The following PPARG variants were observed in gnomAD, a reference collection of about 807,000 sequenced individuals.
The protein encoded by PPARG is peroxisome proliferator-activated receptor gamma.
In PPARG, 17 loss-of-function variants were observed where a neutral mutation model predicts 39.2. That is an observed-to-expected ratio of 0.43 (90% CI 0.30 to 0.65). PPARG has a LOEUF of 0.65. Among genes scored for constraint, PPARG ranks in the 30% least tolerant of loss-of-function variants. The probability of loss-of-function intolerance (pLI) is 0.13; values close to 1 mark genes in which losing one functional copy is unlikely to be tolerated. For missense variants in PPARG, 406 were observed against 585.9 expected (o/e 0.69, Z 3.17); for synonymous variants, 223 against 215.7 (o/e 1.03, Z -0.30).
At chr3:12,305,359 C>G (rs1170123910) in intron 1 of PPARG, among the ~76,000 whole-genome samples, 1 of 152,126 alleles carries the variant, frequency 6.6e-6, no homozygotes. Context: ...AGTTGGATGT[C>G]ACTTATAAAT....
At chr3:12,331,205 T>A (rs1335918401) in intron 2 of PPARG, among the ~76,000 whole-genome samples, 1 of 152,162 alleles carries the variant, frequency 6.6e-6, no homozygotes, top group East Asian at 1.9e-4. Flanking sequence ...ACTAAAATGA[T>A]GAGTGCTGTA....
At chr3:12,347,603 C>T (rs955738643) in intron 2 of PPARG, among the ~76,000 whole-genome samples, 2 of 152,128 alleles carry the variant, frequency 1.3e-5, no homozygotes, top group Non-Finnish European at 2.9e-5. Flanking sequence ...GAAAAGGCAG[C>T]CATTCTTTTG....
intron 5 of PPARG, among the ~76,000 whole-genome samples, chr3:12,397,471 C>T (rs930974722): frequency 6.7e-5 from 10 of 149,968 alleles, no homozygotes; most frequent in Admixed American, 1.3e-4. Context: ...AGTGCAGTGG[C>T]GCGATCTAGG....
At chr3:12,402,837 G>C (rs2125244706) in intron 5 of PPARG, among the ~76,000 whole-genome samples, 1 of 152,186 alleles carries the variant, frequency 6.6e-6, no homozygotes. Context: ...CTTATTCCCT[G>C]GGATTGGCTC....
intron 2 of PPARG, among the ~76,000 whole-genome samples, chr3:12,324,420 A>G (rs1415183679): frequency 6.6e-6 from 1 of 152,172 alleles, no homozygotes; most frequent in Non-Finnish European, 1.5e-5. Context: ...TCAGGCAAGA[A>G]TAGATGTATA....
Position 12,348,222 on chromosome 3 carries a change from TTATA to T in PPARG, c.-8-31479_-8-31476del, listed in dbSNP as rs558201721. Among the ~76,000 whole-genome samples, 298 of 152,310 alleles carry T rather than the reference TTATA, an allele frequency of 2.0e-3. 1 individual carries two copies. Among genetic ancestry groups the T allele is most frequent in the African/African-American group, 6.7e-3 (279 of 41,574 alleles). On this transcript the variant is annotated intron_variant, in intron 2 of 7. Transcript: ENST00000651735. ...ACACCAAGTAATGCTAAAAATAACTTTATATAGGTTCAATACCATGATTTTATTA... is the reference window on the plus strand; with the variant it reads ...ACACCAAGTAATGCTAAAAATAACTTTAGGTTCAATACCATGATTTTATTA...
intron 6 of PPARG, among the ~76,000 whole-genome samples, chr3:12,415,971 T>C (rs1196062765): frequency 6.6e-6 from 1 of 152,276 alleles, no homozygotes; most frequent in Non-Finnish European, 1.5e-5. Flanking sequence ...AGTTACTTTA[T>C]GTTCAAGTGG....
chr3:12,349,354 G>T (rs1171822852), intron 2 of PPARG, among the ~76,000 whole-genome samples: 1 of 152,178 alleles, frequency 6.6e-6, no homozygotes, highest in Non-Finnish European at 1.5e-5. Flanking sequence ...GAATGTCCAT[G>T]TAAGCAAGTT....
In PPARG at chr3:12,406,021, C is replaced by A; in HGVS notation, c.669C>A (p.Ser223=). ...ATTTGTATGACTCATACATAAAGTC[C>A]TTCCCGCTGACCAAAGCAAAGGCGA... ...AKHLYDSYIK[S]FPLTKAKARA... Residue 223 remains serine, a synonymous_variant, in exon 6 of 8, where the codon TCC becomes TCA. Transcript: ENST00000651735. 6.2e-7 allele frequency: 1 copy of A among 1,614,162 alleles called. No homozygotes were observed. Among genetic ancestry groups the A allele is most frequent in the East Asian group, 2.2e-5 (1 of 44,856 alleles).
At chr3:12,377,185 G>T (rs2049445344) in intron 2 of PPARG, among the ~76,000 whole-genome samples, 1 of 152,114 alleles carries the variant, frequency 6.6e-6, no homozygotes, top group African/African-American at 2.4e-5. Flanking sequence ...AATGCATGTG[G>T]CATACATGAT....
At chr3:12,405,820 C>A in intron 5 of PPARG, 62 bp from the exon 6 acceptor site, 1 of 1,533,316 alleles carries the variant, frequency 6.5e-7, no homozygotes. Flanking sequence ...TGGGAGAGCA[C>A]AGTGTGTGTT....
chr3:12,306,052 A>G (rs984748596), intron 1 of PPARG: 10 of 152,182 alleles, frequency 6.6e-5, no homozygotes, highest in African/African-American at 1.9e-4. Context: ...TTCAGCAGCT[A>G]TGTACACCAG....
intron 2 of PPARG, among the ~76,000 whole-genome samples, chr3:12,356,328 T>A (rs1204283616): frequency 6.6e-6 from 1 of 152,226 alleles, no homozygotes; most frequent in Non-Finnish European, 1.5e-5. Flanking sequence ...GCAACTGCCA[T>A]CCAACTCTTA....
intron 4 of PPARG, among the ~76,000 whole-genome samples, chr3:12,386,238 C>T (rs1386551948): frequency 2.0e-5 from 3 of 152,094 alleles, no homozygotes; most frequent in African/African-American, 4.8e-5. Flanking sequence ...GAAAAGCACT[C>T]GATAATATCC....
chr3:12,371,986 G>T, intron 2 of PPARG: 1 of 716,358 alleles, frequency 1.4e-6, no homozygotes, highest in South Asian at 1.5e-5. Flanking sequence ...AAACAAGTTG[G>T]AACCACAGTT....
intron 1 of PPARG, among the ~76,000 whole-genome samples, chr3:12,290,351 T>C (rs1433899805): frequency 1.3e-5 from 2 of 152,070 alleles, no homozygotes; most frequent in East Asian, 1.9e-4. Context: ...AAAAAGAATA[T>C]AATTTCTTTT....
chr3:12,401,067 T>C (rs1227868774), intron 5 of PPARG, among the ~76,000 whole-genome samples: 1 of 152,140 alleles, frequency 6.6e-6, no homozygotes, highest in Non-Finnish European at 1.5e-5. Flanking sequence ...TTTGGAAAAA[T>C]ACACTTGTAT....
intron 7 of PPARG, 25 bp from the exon 8 acceptor site, chr3:12,433,873 G>A (rs1395119192): frequency 2.5e-6 from 4 of 1,613,490 alleles, no homozygotes; most frequent in Non-Finnish European, 3.4e-6. Context: ...ACCCCCTGTT[G>A]TGTTTTCCAT....
chr3:12,327,995 C>A, intron 2 of PPARG: 1 of 845,832 alleles, frequency 1.2e-6, no homozygotes, highest in Non-Finnish European at 2.0e-6. Context: ...GTTCTTAGAA[C>A]CTACTGTATA....
Sources: allele counts gnomAD v4.1 joint callset (sites outside exome capture counted in the v4.1 genomes callset), GRCh38; gene constraint gnomAD v4.1.1; transcripts MANE v1.5; gene names NCBI Gene and HGNC (gene_info 2026-07-23, HGNC 2026-07-21).